The following TRIP12 variants were observed in gnomAD, a reference collection of about 807,000 sequenced individuals.
The protein encoded by TRIP12 is thyroid hormone receptor interactor 12.
In TRIP12, 25 loss-of-function variants were observed where a neutral mutation model predicts 244.2. That is an observed-to-expected ratio of 0.10 (90% CI 0.07 to 0.14). The LOEUF is 0.14. Among genes scored for constraint, TRIP12 ranks in the 10% least tolerant of loss-of-function variants. TRIP12 has a pLI of 1.00. For missense variants in TRIP12, 1,677 were observed against 2,486.4 expected (o/e 0.67, Z 6.92); for synonymous variants, 905 against 873.1 (o/e 1.04, Z -0.64).
chr2:229,837,087 C>T (rs1035895593), intron 5 of TRIP12, 103 bp from the exon 6 acceptor site: 45 of 1,221,986 alleles, frequency 3.7e-5, no homozygotes, highest in Non-Finnish European at 3.6e-5. Flanking sequence ...CCAGTTTCTT[C>T]TTCGTCCTCT....
intron 34 of TRIP12, 58 bp from the exon 35 acceptor site, chr2:229,779,048 C>A: frequency 1.4e-6 from 2 of 1,421,698 alleles, no homozygotes. Context: ...TTTTTTACTG[C>A]CAACCTCTTG....
chr2:229,796,644 C>T lies in TRIP12; in HGVS notation c.3763G>A (p.Val1255Met), dbSNP rs2042890579. 6.2e-7 allele frequency: 1 copy of T among 1,612,160 alleles called. No individual in the cohort carries two copies. Among genetic ancestry groups the T allele is most frequent in the Non-Finnish European group, 8.5e-7 (1 of 1,179,542 alleles). The stretch of plus-strand genomic sequence containing the variant: ...CGCTTTAATCTGATCTCTCTGCTCA[C>T]AGCATCCTTTTCACTTTTAGATGTC... ...YLTSKSEKDA[V>M]SREIRLKRFL... Residue 1255 changes from valine (V) to methionine (M), a missense_variant, in exon 25 of 42, where the codon GTG becomes ATG. By Grantham distance (21) the Val-to-Met change is conservative (BLOSUM62 1). Coordinates refer to ENST00000675903, the MANE Select transcript of TRIP12 (RefSeq NM_001348323.3).
chr2:229,838,974 C>T (rs2055601674), intron 5 of TRIP12, among the ~76,000 whole-genome samples: 1 of 152,156 alleles, frequency 6.6e-6, no homozygotes, highest in Non-Finnish European at 1.5e-5. Flanking sequence ...TTTCTGCTAA[C>T]CTGAGTGGGA....
chr2:229,916,039 T>C (rs1342538103), intron 1 of TRIP12, among the ~76,000 whole-genome samples: 1 of 152,208 alleles, frequency 6.6e-6, no homozygotes, highest in Non-Finnish European at 1.5e-5. Flanking sequence ...ATGTTCGAGT[T>C]AAAAGAGTTT....
intron 2 of TRIP12, among the ~76,000 whole-genome samples, chr2:229,862,673 C>T (rs2060662588): frequency 6.6e-6 from 1 of 152,134 alleles, no homozygotes; most frequent in African/African-American, 2.4e-5. Flanking sequence ...TTCCATTTGT[C>T]ATCAGAAACC....
intron 8 of TRIP12, among the ~76,000 whole-genome samples, chr2:229,827,724 T>A (rs556751673): frequency 6.6e-6 from 1 of 152,340 alleles, no homozygotes; most frequent in African/African-American, 2.4e-5. Context: ...ATAGAAGGAA[T>A]ACATTCTAAA....
At chr2:229,806,380 G>GA (rs1184357119) in intron 17 of TRIP12, among the ~76,000 whole-genome samples, 6 of 152,166 alleles carry the variant, frequency 3.9e-5, no homozygotes, top group African/African-American at 9.7e-5. Context: ...GGACACAACT[G>GA]AAACAGATTA....
At chr2:229,890,856 T>C (rs1359284529) in intron 1 of TRIP12, among the ~76,000 whole-genome samples, 1 of 152,222 alleles carries the variant, frequency 6.6e-6, no homozygotes, top group Non-Finnish European at 1.5e-5. Flanking sequence ...ACTGCCTCTA[T>C]ATTGAGCCAG....
At chr2:229,804,644 G>C (rs938543151) in intron 18 of TRIP12, among the ~76,000 whole-genome samples, 1 of 152,178 alleles carries the variant, frequency 6.6e-6, no homozygotes, top group African/African-American at 2.4e-5. Flanking sequence ...CTACCACTTT[G>C]CTTAGTGACA....
Position 229,785,742 on chromosome 2 carries a change from A to G in TRIP12, c.5094+15T>C, listed in dbSNP as rs571748191. ...CAAGTCAAGCTAAATAACCATCACCAGACTCCAAGCTCACCTCATTTTCAT... is the reference window on the plus strand; with the variant it reads ...CAAGTCAAGCTAAATAACCATCACCGGACTCCAAGCTCACCTCATTTTCAT... On this transcript the variant is annotated intron_variant, in intron 34 of 41. Transcript: ENST00000675903. 2.5e-6 allele frequency: 4 copies of G among 1,610,524 alleles called. No individual in the cohort carries two copies. In the East Asian group the frequency reaches 8.9e-5, roughly 36 times the overall value.
At chr2:229,839,437 G>C (rs1023388130) in intron 5 of TRIP12, among the ~76,000 whole-genome samples, 2 of 152,036 alleles carry the variant, frequency 1.3e-5, no homozygotes, top group African/African-American at 4.8e-5. Flanking sequence ...CAGCACTTTG[G>C]GAGGCCGAGG....
Position 229,808,266 on chromosome 2 carries a change from C to T in TRIP12, c.2325G>A (p.Leu775=). 1 of 1,611,134 alleles carries T rather than the reference C, an allele frequency of 6.2e-7. No homozygotes were observed. The highest frequency in any genetic ancestry group is 8.5e-7 in the Non-Finnish European group (1 of 1,177,486). Residue 775 remains leucine, a synonymous_variant, in exon 16 of 42, where the codon CTG becomes CTA. Coordinates refer to ENST00000675903, the MANE Select transcript of TRIP12 (RefSeq NM_001348323.3). ...VPRSPQELYE[L]TSLICELMPC... Reference sequence around the variant, plus strand: ...CCAATCTTTACCAAATCAGAGATGTCAGTTCATACAACTCTTGAGGGCTTC... The same window carrying T: ...CCAATCTTTACCAAATCAGAGATGTTAGTTCATACAACTCTTGAGGGCTTC...
At chr2:229,912,657 A>C (rs1042808658) in intron 1 of TRIP12, among the ~76,000 whole-genome samples, 2 of 152,206 alleles carry the variant, frequency 1.3e-5, no homozygotes, top group East Asian at 3.8e-4. Context: ...TAAACTTCCA[A>C]GTACCCACTG....
rs1023642035 is a variant in TRIP12, at chr2:229,783,808, T to C, written c.5094+1949A>G. ...AAAGTTGAAAATAACCAAACCATCTTTTAAAAAAAAAAAAAAAAAAGGCCA... is the reference window on the plus strand; with the variant it reads ...AAAGTTGAAAATAACCAAACCATCTCTTAAAAAAAAAAAAAAAAAAGGCCA... On this transcript the variant is annotated intron_variant, in intron 34 of 41. Coordinates refer to ENST00000675903, the MANE Select transcript of TRIP12 (RefSeq NM_001348323.3). 2.8e-5 allele frequency among the ~76,000 whole-genome samples: 4 copies of C among 143,114 alleles called. No homozygotes were observed. In the Admixed American group the frequency reaches 2.8e-4, roughly 10 times the overall value. The allele number at this position is 143,114 out of a possible 152,430, so 93.9% of individuals were successfully genotyped here. A position where few individuals can be genotyped will look rare whatever the true frequency, so the allele number is the denominator to read the frequency against.
chr2:229,800,427 T>C (rs2043977184), intron 21 of TRIP12, among the ~76,000 whole-genome samples: 1 of 152,146 alleles, frequency 6.6e-6, no homozygotes, highest in African/African-American at 2.4e-5. Flanking sequence ...TGTGGTTTAG[T>C]TGGTCTGTGG....
intron 25 of TRIP12, among the ~76,000 whole-genome samples, chr2:229,795,694 G>A (rs1375165299): frequency 6.6e-6 from 1 of 152,180 alleles, no homozygotes; most frequent in Non-Finnish European, 1.5e-5. Context: ...AATATACAGT[G>A]CTATTCAGAA....
At chr2:229,865,498 T>C (rs1396247901) in intron 2 of TRIP12, among the ~76,000 whole-genome samples, 5 of 152,046 alleles carry the variant, frequency 3.3e-5, no homozygotes, top group Non-Finnish European at 7.4e-5. Context: ...TGCATATATA[T>C]AATATACACA....
At chr2:229,856,196 G>A (rs1477565210) in intron 4 of TRIP12, among the ~76,000 whole-genome samples, 1 of 152,162 alleles carries the variant, frequency 6.6e-6, no homozygotes, top group Non-Finnish European at 1.5e-5. Flanking sequence ...GATCAGAACT[G>A]GGATAGTGGC....
intron 2 of TRIP12, among the ~76,000 whole-genome samples, chr2:229,874,959 C>A (rs923705360): frequency 6.6e-6 from 1 of 152,170 alleles, no homozygotes; most frequent in African/African-American, 2.4e-5. Flanking sequence ...AACGCTACTG[C>A]ATTGCCAAGA....
Sources: gnomAD v4.1 joint callset for allele counts (sites outside exome capture counted in the v4.1 genomes callset) on GRCh38, gnomAD v4.1.1 for gene constraint, MANE v1.5 for transcripts, NCBI Gene and HGNC (gene_info 2026-07-23, HGNC 2026-07-21) for gene names.